Variants in ITSN1 observed in about 807,000 individuals in gnomAD.
ITSN1 encodes the protein intersectin-1.
ITSN1 carries 58 observed loss-of-function variants against 239.8 expected under a neutral mutation model. That is an observed-to-expected ratio of 0.24 (90% CI 0.20 to 0.30). The LOEUF (loss-of-function observed/expected upper bound fraction) is 0.30. ITSN1 is among the 10% of genes least tolerant of loss of function. The probability of loss-of-function intolerance (pLI) is 1.00; values close to 1 mark genes in which losing one functional copy is unlikely to be tolerated. For synonymous variants in ITSN1, 780 were observed against 770.8 expected (o/e 1.01, Z -0.20); for missense variants, 1,558 against 2,103.3 (o/e 0.74, Z 5.07).
chr21:33,781,758 T>C (rs1281824651), intron 15 of ITSN1, among the ~76,000 whole-genome samples: 3 of 152,050 alleles, frequency 2.0e-5, no homozygotes, highest in African/African-American at 7.2e-5. Context: ...TTTGTATTTT[T>C]AGTAGAGATG....
Position 33,705,000 on chromosome 21 carries a change from A to G in ITSN1, c.-32-13797A>G, listed in dbSNP as rs893871151. Among the ~76,000 whole-genome samples, 7 of 150,486 alleles carry G rather than the reference A, an allele frequency of 4.7e-5. 1 individual carries two copies. The highest frequency in any genetic ancestry group is 1.7e-4 in the African/African-American group (7 of 40,946). The stretch of plus-strand genomic sequence containing the variant: ...GTGGCAGGTGCCTGTAGTCCCAGCT[A>G]CTTGGGAGGCTGAGGCCGGAGAATG... On this transcript the variant is annotated intron_variant, in intron 1 of 39. Coordinates refer to ENST00000381318, the MANE Select transcript of ITSN1 (RefSeq NM_003024.3).
chr21:33,711,002 A>G (rs1178539188), intron 1 of ITSN1, among the ~76,000 whole-genome samples: 3 of 151,712 alleles, frequency 2.0e-5, no homozygotes. Context: ...GACGTTGGCC[A>G]GGATGGTCTC....
chr21:33,883,900 T>G (rs1398680965), intron 36 of ITSN1, among the ~76,000 whole-genome samples: 1 of 148,594 alleles, frequency 6.7e-6, no homozygotes, highest in Non-Finnish European at 1.5e-5. Flanking sequence ...TTGAGTTTTT[T>G]TTTTTTTTTT....
chr21:33,772,174 C>G lies in ITSN1; in HGVS notation c.1156C>G (p.Leu386Val), dbSNP rs143580796. 1 of 1,614,132 alleles carries G rather than the reference C, an allele frequency of 6.2e-7. No homozygotes were observed. The highest frequency in any genetic ancestry group is 1.3e-5 in the African/African-American group (1 of 75,038). The stretch of plus-strand genomic sequence containing the variant: ...CAAGGAGCAGGAGCGCCTGGCCCAG[C>G]TGGAGCGGGCGGAGCAGGAGAGGAA... ...QRKEQERLAQ[L>V]ERAEQERKER... is the part of the protein sequence containing the mutation. The change falls in exon 12 of 40, where the codon CTG becomes GTG. Residue 386 changes from leucine to valine, a missense_variant. By Grantham distance (32) the Leu-to-Val change is conservative. Coordinates refer to ENST00000381318, the MANE Select transcript of ITSN1 (RefSeq NM_003024.3).
chr21:33,678,792 C>CTT (rs2090754017), intron 1 of ITSN1, among the ~76,000 whole-genome samples: 1 of 152,216 alleles, frequency 6.6e-6, no homozygotes, highest in Non-Finnish European at 1.5e-5. Flanking sequence ...TGGCTCACTG[C>CTT]AACCTCTGCC....
chr21:33,660,196 TC>T (rs1176195866), intron 1 of ITSN1, among the ~76,000 whole-genome samples: 1 of 152,206 alleles, frequency 6.6e-6, no homozygotes, highest in Non-Finnish European at 1.5e-5. Context: ...CTGTTCCACT[TC>T]ATTTTACACT....
intron 20 of ITSN1, among the ~76,000 whole-genome samples, chr21:33,807,431 G>A (rs886622805): frequency 6.6e-6 from 1 of 152,178 alleles, no homozygotes; most frequent in Non-Finnish European, 1.5e-5. Context: ...TCCGCCTCCC[G>A]GGTTCAAGCA....
chr21:33,701,310 A>G (rs937848194), intron 1 of ITSN1, among the ~76,000 whole-genome samples: 1 of 152,082 alleles, frequency 6.6e-6, no homozygotes, highest in Non-Finnish European at 1.5e-5. Context: ...CACGTCACCC[A>G]GAACAGCCTT....
chr21:33,732,684 GA>G (rs1187496137), intron 4 of ITSN1, among the ~76,000 whole-genome samples: 1 of 152,088 alleles, frequency 6.6e-6, no homozygotes, highest in Non-Finnish European at 1.5e-5. Flanking sequence ...GTACACCCAA[GA>G]GATTTTAGTT....
At chr21:33,779,225 T>TA (rs1448135351) in intron 14 of ITSN1, among the ~76,000 whole-genome samples, 1 of 152,100 alleles carries the variant, frequency 6.6e-6, no homozygotes, top group African/African-American at 2.4e-5. Flanking sequence ...ATTTGGGGTT[T>TA]AATTTTCTTT....
intron 21 of ITSN1, 95 bp from the exon 22 acceptor site, chr21:33,813,818 G>C: frequency 9.4e-7 from 1 of 1,058,870 alleles, no homozygotes. Flanking sequence ...ATTAGGGAGT[G>C]CTTGCTTTTT....
At chr21:33,885,159 G>A in intron 37 of ITSN1, 36 bp downstream of exon 37, 1 of 1,556,550 alleles carries the variant, frequency 6.4e-7, no homozygotes, top group Non-Finnish European at 8.9e-7. Flanking sequence ...CTGCACAGCT[G>A]GGCAGGAGGG....
chr21:33,648,872 GGAGAGA>G (rs2088230775), intron 1 of ITSN1, among the ~76,000 whole-genome samples: 2 of 150,226 alleles, frequency 1.3e-5, no homozygotes, highest in South Asian at 4.2e-4. Flanking sequence ...AGAAAAGAAA[GGAGAGA>G]AAGAGAAAGA....
chr21:33,692,026 A>G (rs1343747466), intron 1 of ITSN1, among the ~76,000 whole-genome samples: 1 of 152,200 alleles, frequency 6.6e-6, no homozygotes, highest in Non-Finnish European at 1.5e-5. Context: ...TTGATCAAAT[A>G]TCAAAGGTGA....
intron 6 of ITSN1, among the ~76,000 whole-genome samples, chr21:33,750,577 C>G (rs1478254587): frequency 6.6e-6 from 1 of 152,122 alleles, no homozygotes; most frequent in Non-Finnish European, 1.5e-5. Context: ...GCAGTGAAAG[C>G]CACAAATGTA....
intron 16 of ITSN1, among the ~76,000 whole-genome samples, chr21:33,790,804 A>G (rs759399410): frequency 3.9e-5 from 6 of 152,210 alleles, no homozygotes; most frequent in Non-Finnish European, 8.8e-5. Flanking sequence ...ATTTCCCCCA[A>G]TAATTTGCTC....
At chr21:33,819,529 T>A (rs966168232) in intron 24 of ITSN1, among the ~76,000 whole-genome samples, 7 of 152,218 alleles carry the variant, frequency 4.6e-5, no homozygotes, top group Non-Finnish European at 8.8e-5. Flanking sequence ...AACTGAATTT[T>A]CTAATTATAT....
chr21:33,655,470 G>T (rs1258977498), intron 1 of ITSN1, among the ~76,000 whole-genome samples: 1 of 151,962 alleles, frequency 6.6e-6, no homozygotes. Flanking sequence ...CCAGGCTGGA[G>T]TGTGCAGCGG....
rs538140073 is a variant in ITSN1, at chr21:33,689,968, A to C, written c.-32-28829A>C. Reference sequence around the variant, plus strand: ...GGGCGACAGACCAAGACTCTGTCTCAAAAAAAAAAAAAAATAATTAAAAAA... The same window carrying C: ...GGGCGACAGACCAAGACTCTGTCTCCAAAAAAAAAAAAAATAATTAAAAAA... On this transcript the variant is annotated intron_variant, in intron 1 of 39. Transcript: ENST00000381318. Among the ~76,000 whole-genome samples, 1,009 of 138,308 alleles carry C rather than the reference A, an allele frequency of 7.3e-3. 12 individuals carry two copies. The highest frequency in any genetic ancestry group is 0.027 in the African/African-American group (957 of 35,674). 90.7% of individuals were successfully genotyped at this position (138,308 alleles called of 152,430 possible).
Sources: gnomAD v4.1 joint callset for allele counts (sites outside exome capture counted in the v4.1 genomes callset) on GRCh38, gnomAD v4.1.1 for gene constraint, MANE v1.5 for transcripts, NCBI Gene and HGNC (gene_info 2026-07-23, HGNC 2026-07-21) for gene names.